The following PHACTR1 variants were observed in gnomAD, a reference collection of about 807,000 sequenced individuals.
PHACTR1 encodes the protein RPEL repeat containing 1.
Under a neutral mutation model 69.2 loss-of-function variants are expected in PHACTR1, and 16 were observed. That is an observed-to-expected ratio of 0.23 (90% confidence interval 0.16 to 0.35). The LOEUF is 0.35. Among genes scored for constraint, PHACTR1 ranks in the 10% least tolerant of loss-of-function variants. The probability of loss-of-function intolerance (pLI) is 1.00; values close to 1 mark genes in which losing one functional copy is unlikely to be tolerated. For missense variants in PHACTR1, 510 were observed against 734.7 expected (o/e 0.69, Z 3.54); for synonymous variants, 312 against 284.5 (o/e 1.10, Z -0.97).
At chr6:12,889,372 T>C (rs1237209842) in intron 4 of PHACTR1, among the ~76,000 whole-genome samples, 1 of 152,226 alleles carries the variant, frequency 6.6e-6, no homozygotes, top group Admixed American at 6.5e-5. Flanking sequence ...AATGAGCCTC[T>C]ATCTCTGCCT....
chr6:13,015,668 A>G (rs1289483153), intron 4 of PHACTR1, among the ~76,000 whole-genome samples: 2 of 152,224 alleles, frequency 1.3e-5, no homozygotes, highest in African/African-American at 2.4e-5. Context: ...GAGGAAAGGT[A>G]TATGTCCATA....
At chr6:13,125,966 T>C (rs947985951) in intron 5 of PHACTR1, among the ~76,000 whole-genome samples, 1 of 152,136 alleles carries the variant, frequency 6.6e-6, no homozygotes, top group Admixed American at 6.6e-5. Context: ...CCAAATTAAA[T>C]AAATGCCTTT....
intron 4 of PHACTR1, among the ~76,000 whole-genome samples, chr6:12,851,742 G>T (rs898302920): frequency 6.6e-6 from 1 of 152,052 alleles, no homozygotes; most frequent in South Asian, 2.1e-4. Flanking sequence ...ACACAATCAG[G>T]CATTGCTCTG....
At chr6:13,171,678 A>AT (rs1268252597) in intron 6 of PHACTR1, among the ~76,000 whole-genome samples, 1 of 152,210 alleles carries the variant, frequency 6.6e-6, no homozygotes, top group African/African-American at 2.4e-5. Context: ...CATGTGTCTA[A>AT]TGAATGCCCT....
At chr6:13,163,366 T>G (rs1759329436) in intron 6 of PHACTR1, among the ~76,000 whole-genome samples, 2 of 152,248 alleles carry the variant, frequency 1.3e-5, no homozygotes, top group African/African-American at 4.8e-5. Flanking sequence ...CTTTGATCCT[T>G]GCACTTATCA....
At chr6:12,900,608 G>A (rs1785092681) in intron 4 of PHACTR1, among the ~76,000 whole-genome samples, 1 of 152,162 alleles carries the variant, frequency 6.6e-6, no homozygotes, top group Non-Finnish European at 1.5e-5. Flanking sequence ...TGAGTGGGGA[G>A]GATTACCTGA....
chr6:13,083,305 T>A (rs1368146142), intron 5 of PHACTR1, among the ~76,000 whole-genome samples: 1 of 152,092 alleles, frequency 6.6e-6, no homozygotes, highest in African/African-American at 2.4e-5. Flanking sequence ...TTGGTCTATA[T>A]CTCTGTTTTG....
intron 4 of PHACTR1, among the ~76,000 whole-genome samples, chr6:13,013,780 G>A (rs1458175437): frequency 6.7e-6 from 1 of 150,326 alleles, no homozygotes; most frequent in Admixed American, 6.6e-5. Context: ...TGCTTATATA[G>A]AGCGGCCGGC....
At chr6:12,817,558 G>T (rs1775725981) in intron 4 of PHACTR1, among the ~76,000 whole-genome samples, 1 of 152,210 alleles carries the variant, frequency 6.6e-6, no homozygotes, top group Admixed American at 6.5e-5. Flanking sequence ...CTACAGTTGA[G>T]TGAGTTAATG....
At chr6:13,228,734 AC>A (rs1435097925) in intron 9 of PHACTR1, among the ~76,000 whole-genome samples, 1 of 152,132 alleles carries the variant, frequency 6.6e-6, no homozygotes, top group East Asian at 1.9e-4. Context: ...TCTCACAACA[AC>A]CCTGAGGCAT....
At chr6:13,076,352 G>C (rs1810469004) in intron 5 of PHACTR1, among the ~76,000 whole-genome samples, 1 of 152,092 alleles carries the variant, frequency 6.6e-6, no homozygotes, top group Admixed American at 6.5e-5. Flanking sequence ...ATTTCCCAGG[G>C]AAATGGCCTC....
intron 6 of PHACTR1, among the ~76,000 whole-genome samples, chr6:13,181,613 G>T (rs1358380816): frequency 6.6e-6 from 1 of 152,206 alleles, no homozygotes; most frequent in Non-Finnish European, 1.5e-5. Context: ...TGAGCTTTAA[G>T]CAACATCAAA....
chr6:12,933,918 T>C (rs752853339), intron 4 of PHACTR1: 7 of 1,609,870 alleles, frequency 4.3e-6, no homozygotes, highest in Non-Finnish European at 5.9e-6. Context: ...TTGGTCCATA[T>C]GGGAAGGGAA....
Position 12,916,430 on chromosome 6 carries a change from T to C in PHACTR1, c.251-136935T>C, listed in dbSNP as rs562099775. ...TCTTATTAAAATCTTTCCAGCCAGCTAGTTATTTTTCTCTCTCTGCTCTCA... is the reference window on the plus strand; with the variant it reads ...TCTTATTAAAATCTTTCCAGCCAGCCAGTTATTTTTCTCTCTCTGCTCTCA... On this transcript the variant is annotated intron_variant, in intron 4 of 14. Coordinates refer to ENST00000332995, the MANE Select transcript of PHACTR1 (RefSeq NM_030948.6). Among the ~76,000 whole-genome samples, 6 of 152,324 alleles carry C rather than the reference T, an allele frequency of 3.9e-5. No homozygotes were observed. In the South Asian group the frequency reaches 1.2e-3, roughly 32 times the overall value.
intron 5 of PHACTR1, among the ~76,000 whole-genome samples, chr6:13,146,532 G>T (rs1032045155): frequency 6.6e-6 from 1 of 152,188 alleles, no homozygotes; most frequent in Non-Finnish European, 1.5e-5. Flanking sequence ...TTGCAGCAGG[G>T]TTGATCCAAC....
chr6:12,940,193 C>T (rs1381695018), intron 4 of PHACTR1, among the ~76,000 whole-genome samples: 1 of 152,232 alleles, frequency 6.6e-6, no homozygotes, highest in Non-Finnish European at 1.5e-5. Flanking sequence ...TATTTAACAA[C>T]TGCTGTTTTA....
chr6:12,738,011 T>C (rs1192610800), intron 3 of PHACTR1, among the ~76,000 whole-genome samples: 2 of 152,168 alleles, frequency 1.3e-5, no homozygotes, highest in African/African-American at 2.4e-5. Context: ...GACCCAAAAA[T>C]GTCCTTTAAA....
intron 3 of PHACTR1, among the ~76,000 whole-genome samples, chr6:12,736,246 T>C (rs1581498500): frequency 6.6e-6 from 1 of 152,226 alleles, no homozygotes; most frequent in Non-Finnish European, 1.5e-5. Context: ...GTTAATGATA[T>C]TCATCCCCAT....
chr6:13,194,448 C>A (rs1030350236), intron 7 of PHACTR1, among the ~76,000 whole-genome samples: 1 of 150,260 alleles, frequency 6.7e-6, no homozygotes, highest in Non-Finnish European at 1.5e-5. Flanking sequence ...GAGAGCAGTT[C>A]TCTGGCAATG....
Sources: gnomAD v4.1 joint callset for allele counts (sites outside exome capture counted in the v4.1 genomes callset) on GRCh38, gnomAD v4.1.1 for gene constraint, MANE v1.5 for transcripts, NCBI Gene and HGNC (gene_info 2026-07-23, HGNC 2026-07-21) for gene names.